OSMR: variants seen among roughly 807,000 people sequenced by gnomAD.
OSMR encodes oncostatin M receptor.
OSMR carries 81 observed loss-of-function variants against 99.9 expected under a neutral mutation model. The observed-to-expected ratio is 0.81, with a 90% CI of 0.68 to 0.97. The LOEUF (loss-of-function observed/expected upper bound fraction) is 0.97. OSMR is among the 50% of genes least tolerant of loss of function. The probability of loss-of-function intolerance (pLI) is 0.00; values close to 1 mark genes in which losing one functional copy is unlikely to be tolerated. For missense variants in OSMR, 1,099 were observed against 1,153.4 expected (o/e 0.95, Z 0.68); for synonymous variants, 406 against 410.4 (o/e 0.99, Z 0.13).
rs756379833 is a variant in OSMR at position 38,921,736 on chromosome 5, C to T, written c.1707C>T (p.Leu569=). ...VDWCDHTQDV[L]GDFQWKNVGP... The stretch of plus-strand genomic sequence containing the variant: ...GGTGTGACCATACCCAGGATGTGCT[C>T]GGTGATTTCCAGTGGAAGAATGTAG... The change falls in exon 12 of 18, where the codon CTC becomes CTT. Residue 569 remains leucine (L), a synonymous_variant. Coordinates refer to ENST00000274276, the MANE Select transcript of OSMR (RefSeq NM_003999.3). 5.5e-5 allele frequency: 89 copies of T among 1,613,930 alleles called. 1 individual carries two copies. The highest frequency in any genetic ancestry group is 2.3e-4 in the South Asian group (21 of 91,060).
chr5:38,938,499 A>C (rs1260052544), downstream of OSMR: 2 of 232,414 alleles, frequency 8.6e-6, no homozygotes, highest in East Asian at 1.2e-4. Context: ...ATATTTTTGA[A>C]ATTAAATATT....
At chr5:38,936,398 T>C (rs1157104124), downstream of OSMR, among the ~76,000 whole-genome samples, 1 of 152,130 alleles carries the variant, frequency 6.6e-6, no homozygotes, top group Non-Finnish European at 1.5e-5. Context: ...ATTTGGGTGG[T>C]GGATGGATGG....
intron 1 of OSMR, among the ~76,000 whole-genome samples, chr5:38,852,924 G>A (rs1740527665): frequency 6.6e-6 from 1 of 151,466 alleles, no homozygotes; most frequent in Non-Finnish European, 1.5e-5. Flanking sequence ...GTAGAGACGG[G>A]GTTTCACCGT....
Position 38,925,292 on chromosome 5 carries a change from GT to G in OSMR, c.2138del (p.Phe713SerfsTer29). ...ACCTAAAGCCAGAATCCTTCTATGAGTTTTTCATCACTCCATTCACTAGTGC... is the reference window on the plus strand; with the variant it reads ...ACCTAAAGCCAGAATCCTTCTATGAGTTTTCATCACTCCATTCACTAGTGC... ...DNLKPESFYE[F>X]FITPFTSAGE... On this transcript the variant is annotated frameshift_variant, in exon 15 of 18. Transcript: ENST00000274276. LOFTEE classifies it high-confidence loss of function. 6.2e-7 allele frequency: 1 copy of G among 1,614,102 alleles called. No individual in the cohort carries two copies. The highest frequency in any genetic ancestry group is 1.1e-5 in the South Asian group (1 of 91,080).
intron 7 of OSMR, among the ~76,000 whole-genome samples, chr5:38,888,265 G>T (rs1421731537): frequency 6.6e-6 from 1 of 152,158 alleles, no homozygotes; most frequent in Non-Finnish European, 1.5e-5. Flanking sequence ...CAAATGCAGG[G>T]CACCTTGATG....
intron 1 of OSMR, chr5:38,942,082 A>G (rs1049293542): frequency 5.2e-6 from 2 of 382,576 alleles, no homozygotes; most frequent in African/African-American, 2.1e-5. Context: ...AACTGTGGTA[A>G]TGAATCATGA....
chr5:38,860,337 G>A (rs1741185736), intron 1 of OSMR, among the ~76,000 whole-genome samples: 1 of 152,126 alleles, frequency 6.6e-6, no homozygotes, highest in Admixed American at 6.5e-5. Context: ...TATGGTTTTT[G>A]TCTTTCATTT....
At chr5:38,921,989 G>A (rs537218984) in intron 12 of OSMR, among the ~76,000 whole-genome samples, 195 bp downstream of exon 12, 1 of 152,222 alleles carries the variant, frequency 6.6e-6, no homozygotes, top group Admixed American at 6.5e-5. Flanking sequence ...TACTTTTGCA[G>A]AGAATATCTG....
intron 9 of OSMR, among the ~76,000 whole-genome samples, chr5:38,905,406 T>G (rs1179081529): frequency 1.3e-5 from 2 of 152,004 alleles, no homozygotes; most frequent in Non-Finnish European, 2.9e-5. Flanking sequence ...GGAGACCGCT[T>G]GAACCTGGGA....
rs771917549 is a variant in OSMR at position 38,886,052 on chromosome 5, A to G, written c.853A>G (p.Lys285Glu). 1 of 1,613,482 alleles carries G rather than the reference A, an allele frequency of 6.2e-7. No individual in the cohort carries two copies. The highest frequency in any genetic ancestry group is 8.5e-7 in the Non-Finnish European group (1 of 1,179,866). ...TTGTTTTTAAAGATTTTCTGGGGAA[A>G]AGAAACTTTGTACACACAAAAACTG... ...YTLFESFSGE[K>E]KLCTHKNWCN... Residue 285 changes from lysine to glutamate, a missense_variant, in exon 7 of 18, where the codon AAG becomes GAG. Physicochemically the swap from Lys to Glu is moderately conservative, Grantham distance 56. Coordinates refer to ENST00000274276, the MANE Select transcript of OSMR (RefSeq NM_003999.3).
chr5:38,929,978 C>T (rs1015159433), intron 15 of OSMR, among the ~76,000 whole-genome samples: 2 of 152,312 alleles, frequency 1.3e-5, no homozygotes, highest in South Asian at 2.1e-4. Flanking sequence ...CCTGTCTCCT[C>T]GTTTTCTCTT....
intron 2 of OSMR, 57 bp downstream of exon 2, chr5:38,869,174 T>C (rs1041723749): frequency 8.2e-5 from 103 of 1,258,650 alleles, no homozygotes; most frequent in Middle Eastern, 1.9e-4. Context: ...AATGAAGTCA[T>C]TGATGCTTTG....
chr5:38,869,018 T>C lies in OSMR; in HGVS notation c.-13-14T>C. ...TTAAATAAAATTTTCCTTCTTATAA[T>C]TTATCTTTTTCAGAAAACCAGAACT... On this transcript the variant is annotated splice_polypyrimidine_tract_variant and intron_variant, in intron 1 of 17. Coordinates refer to ENST00000274276, the MANE Select transcript of OSMR (RefSeq NM_003999.3). The C allele has an allele frequency of 6.2e-7, 1 of 1,612,524 alleles. No homozygotes were observed. Among genetic ancestry groups the C allele is most frequent in the Non-Finnish European group, 8.5e-7 (1 of 1,179,126 alleles).
chr5:38,925,149 A>T, intron 14 of OSMR, 55 bp from the exon 15 acceptor site: 3 of 1,609,664 alleles, frequency 1.9e-6, no homozygotes, highest in Non-Finnish European at 2.5e-6. Flanking sequence ...TGTTTACAAC[A>T]CTTTTAATAA....
At chr5:38,889,624 A>G (rs559683964) in intron 7 of OSMR, among the ~76,000 whole-genome samples, 2 of 152,080 alleles carry the variant, frequency 1.3e-5, no homozygotes, top group Non-Finnish European at 2.9e-5. Flanking sequence ...TCTTATCATC[A>G]TATTCATTTC....
intron 7 of OSMR, among the ~76,000 whole-genome samples, chr5:38,901,558 G>A (rs1398051925): frequency 1.3e-5 from 2 of 152,196 alleles, no homozygotes; most frequent in African/African-American, 2.4e-5. Context: ...CCAGAGACTA[G>A]TGCCTAGTAG....
intron 11 of OSMR, among the ~76,000 whole-genome samples, chr5:38,920,198 C>T (rs1322000008): frequency 6.6e-6 from 1 of 152,110 alleles, no homozygotes; most frequent in Non-Finnish European, 1.5e-5. Flanking sequence ...CCTTCAGATG[C>T]CTAGACCTTC....
chr5:38,851,904 C>A (rs1213827205), intron 1 of OSMR, among the ~76,000 whole-genome samples: 1 of 152,310 alleles, frequency 6.6e-6, no homozygotes, highest in South Asian at 2.1e-4. Context: ...ACCACTTTCA[C>A]TTGGCTCTCA....
At chr5:38,891,377 C>T (rs72635257) in intron 7 of OSMR, among the ~76,000 whole-genome samples, 2,479 of 152,264 alleles carry the variant, frequency 0.016, 53 homozygotes, top group East Asian at 0.052. Flanking sequence ...AGCTAGTGTG[C>T]GCTGCTCTCA....
Sources: allele counts gnomAD v4.1 joint callset (sites outside exome capture counted in the v4.1 genomes callset), GRCh38; gene constraint gnomAD v4.1.1; transcripts MANE v1.5; gene names NCBI Gene and HGNC (gene_info 2026-07-23, HGNC 2026-07-21).